PPP2R5E: variants seen among roughly 807,000 people sequenced by gnomAD.
PPP2R5E encodes serine/threonine-protein phosphatase 2A 56 kDa regulatory subunit epsilon isoform.
PPP2R5E carries 4 observed loss-of-function variants against 65.3 expected under a neutral mutation model. The ratio of observed to expected loss-of-function variants is 0.06; its 90% CI spans 0.03 to 0.14. The LOEUF (loss-of-function observed/expected upper bound fraction) is 0.14, where lower values mean the gene tolerates loss of function less well. Among genes scored for constraint, PPP2R5E ranks in the 10% least tolerant of loss-of-function variants. The pLI, the probability that PPP2R5E is intolerant of heterozygous loss-of-function variation, is 1.00. For synonymous variants in PPP2R5E, 183 were observed against 187.4 expected (o/e 0.98, Z 0.19); for missense variants, 274 against 556.1 (o/e 0.49, Z 5.10).
chr14:63,524,142 A>G (rs940077884), intron 2 of PPP2R5E, among the ~76,000 whole-genome samples: 3 of 152,226 alleles, frequency 2.0e-5, no homozygotes, highest in Non-Finnish European at 4.4e-5. Context: ...TTAATGTTTT[A>G]ACATTTTACT....
At chr14:63,393,461 C>A (rs1885140251) in intron 8 of PPP2R5E, among the ~76,000 whole-genome samples, 1 of 152,172 alleles carries the variant, frequency 6.6e-6, no homozygotes, top group Non-Finnish European at 1.5e-5. Flanking sequence ...CCTCTGTAAT[C>A]CCAGCACTTT....
chr14:63,542,354 G>C (rs945843789), intron 1 of PPP2R5E, among the ~76,000 whole-genome samples: 6 of 152,098 alleles, frequency 3.9e-5, no homozygotes, highest in African/African-American at 9.7e-5. Context: ...TAATCCAAAG[G>C]GGGTAAGGGG....
intron 2 of PPP2R5E, among the ~76,000 whole-genome samples, chr14:63,486,759 T>G (rs566178724): frequency 3.3e-5 from 5 of 152,264 alleles, no homozygotes; most frequent in African/African-American, 9.6e-5. Context: ...CCCTGGTCTG[T>G]TAACTCTGAA....
At chr14:63,531,433 G>A (rs972739513) in intron 2 of PPP2R5E, among the ~76,000 whole-genome samples, 29 of 151,558 alleles carry the variant, frequency 1.9e-4, no homozygotes, top group African/African-American at 5.8e-4. Context: ...AAACCTGCAC[G>A]TTGTGCACAT....
intron 4 of PPP2R5E, among the ~76,000 whole-genome samples, chr14:63,419,510 T>C (rs1201578992): frequency 2.6e-5 from 4 of 152,190 alleles, no homozygotes; most frequent in African/African-American, 7.2e-5. Flanking sequence ...ATTCAGTGAC[T>C]GCCCTCATTA....
chr14:63,522,680 C>T (rs543076608), intron 2 of PPP2R5E, among the ~76,000 whole-genome samples: 50 of 151,180 alleles, frequency 3.3e-4, no homozygotes, highest in Admixed American at 1.1e-3. Context: ...GCCGCGACCC[C>T]GTCTGGGAGG....
chr14:63,394,295 G>A (rs1209694077), intron 7 of PPP2R5E, among the ~76,000 whole-genome samples: 4 of 151,946 alleles, frequency 2.6e-5, no homozygotes, highest in Non-Finnish European at 5.9e-5. Context: ...ATATTGTCCA[G>A]ACTGGTCTAG....
In PPP2R5E at chr14:63,444,054, G is replaced by C. The variant is rs1012063531; in HGVS notation, c.354+9635C>G. Among the ~76,000 whole-genome samples, 3 of 152,024 alleles carry C rather than the reference G, an allele frequency of 2.0e-5. 1 individual carries two copies. The highest frequency in any genetic ancestry group is 2.0e-4 in the Admixed American group (3 of 15,266). ...AATACAAATCTGACCATGTCACTCC[G>C]CCACACAGAACCTTTCAACACTTAT... is the stretch of plus-strand genomic sequence containing the variant. On this transcript the variant is annotated intron_variant, in intron 3 of 13. Coordinates refer to ENST00000337537, the MANE Select transcript of PPP2R5E (RefSeq NM_006246.5).
In PPP2R5E at chr14:63,452,128, AT is replaced by A. The variant is rs1220576401; in HGVS notation, c.354+1560del. ...ACCATTTGTGTGCTTACAAAAAAAA[AT>A]ATTTATACATATGTTTGCATATACT... On this transcript the variant is annotated intron_variant, in intron 3 of 13. Transcript: ENST00000337537. 1.3e-4 allele frequency: 20 copies of A among 152,330 alleles called. No homozygotes were observed. The East Asian group carries it at 1.7e-3, about 13-fold the overall frequency. The allele number at this position is 152,330 out of a possible 1,614,324, so 9.4% of individuals were successfully genotyped here.
intron 2 of PPP2R5E, among the ~76,000 whole-genome samples, chr14:63,509,362 C>T (rs1892359570): frequency 6.7e-6 from 1 of 149,482 alleles, no homozygotes; most frequent in Non-Finnish European, 1.5e-5. Flanking sequence ...GCAACTTCTG[C>T]CTCCAGGTTC....
In PPP2R5E at chr14:63,484,492, TGTC is replaced by T. The variant is rs1469822898; in HGVS notation, c.158-30610_158-30608del. 7.9e-5 allele frequency among the ~76,000 whole-genome samples: 12 copies of T among 152,276 alleles called. No individual in the cohort carries two copies. In the South Asian group the frequency reaches 1.5e-3, roughly 18 times the overall value. The stretch of plus-strand genomic sequence containing the variant: ...CACTATTATTAGTATTTTTTTCATC[TGTC>T]TTAAGCATACACTGTGTCAAACACC... On this transcript the variant is annotated intron_variant, in intron 2 of 13. Coordinates refer to ENST00000337537, the MANE Select transcript of PPP2R5E (RefSeq NM_006246.5).
At chr14:63,408,337 G>A (rs548560194) in intron 5 of PPP2R5E, among the ~76,000 whole-genome samples, 4 of 144,950 alleles carry the variant, frequency 2.8e-5, no homozygotes, top group Non-Finnish European at 5.9e-5. Flanking sequence ...GAATACTATC[G>A]GTTTTCTCTT....
intron 2 of PPP2R5E, among the ~76,000 whole-genome samples, chr14:63,480,946 G>C (rs1890666427): frequency 6.6e-6 from 1 of 152,168 alleles, no homozygotes; most frequent in Non-Finnish European, 1.5e-5. Flanking sequence ...GGGTCGGTTT[G>C]AGTGTTAAGA....
intron 12 of PPP2R5E, 56 bp downstream of exon 12, chr14:63,384,388 G>A: frequency 6.4e-7 from 1 of 1,566,316 alleles, no homozygotes; most frequent in South Asian, 1.1e-5. Flanking sequence ...TAAGGCTGAA[G>A]GGAAAGAAAG....
At chr14:63,413,754 A>ATTTACCTAT (rs1299482429) in intron 5 of PPP2R5E, among the ~76,000 whole-genome samples, 3 of 152,062 alleles carry the variant, frequency 2.0e-5, no homozygotes, top group Non-Finnish European at 4.4e-5. Context: ...ATCCATACCA[A>ATTTACCTAT]TTTACCTATT....
intron 2 of PPP2R5E, among the ~76,000 whole-genome samples, chr14:63,454,188 T>C (rs1889000948): frequency 1.3e-5 from 2 of 152,224 alleles, no homozygotes; most frequent in Non-Finnish European, 2.9e-5. Context: ...AACACCCCAA[T>C]GTCAATACCT....
At chr14:63,462,115 C>T (rs967304778) in intron 2 of PPP2R5E, among the ~76,000 whole-genome samples, 1 of 150,894 alleles carries the variant, frequency 6.6e-6, no homozygotes, top group African/African-American at 2.5e-5. Context: ...CTGTTGCCCA[C>T]GCTGAAGTGC....
At chr14:63,402,791 G>A (rs1181848650) in intron 5 of PPP2R5E, among the ~76,000 whole-genome samples, 1 of 152,010 alleles carries the variant, frequency 6.6e-6, no homozygotes, top group Non-Finnish European at 1.5e-5. Context: ...GAAAGACATG[G>A]AGACAGAAAA....
intron 3 of PPP2R5E, chr14:63,451,991 C>G (rs189844554): frequency 6.6e-6 from 1 of 152,256 alleles, no homozygotes; most frequent in Admixed American, 6.5e-5. Context: ...AAATATGGTA[C>G]ATTCACACAA....
Sources: gnomAD v4.1 joint callset for allele counts (sites outside exome capture counted in the v4.1 genomes callset) on GRCh38, gnomAD v4.1.1 for gene constraint, MANE v1.5 for transcripts, NCBI Gene and HGNC (gene_info 2026-07-23, HGNC 2026-07-21) for gene names.